The following PWWP3A variants were observed in gnomAD, a reference collection of about 807,000 sequenced individuals.
PWWP3A encodes the protein PWWP domain-containing DNA repair factor 3A.
PWWP3A carries 53 observed loss-of-function variants against 79.0 expected under a neutral mutation model. The observed-to-expected ratio is 0.67, with a 90% CI of 0.54 to 0.84. The LOEUF is 0.84. Ranked by LOEUF, PWWP3A falls within the 40% of genes least tolerant of loss-of-function variation. The probability of loss-of-function intolerance (pLI) is 0.00; values close to 1 mark genes in which losing one functional copy is unlikely to be tolerated. For synonymous variants in PWWP3A, 443 were observed against 394.4 expected (o/e 1.12, Z -1.46); for missense variants, 973 against 948.0 (o/e 1.03, Z -0.35).
Position 1,360,356 on chromosome 19 carries a change from C to T in PWWP3A, c.435C>T (p.Gly145=), listed in dbSNP as rs1159690561. The T allele has an allele frequency of 5.0e-6, 8 of 1,614,108 alleles. No homozygotes were observed. The highest frequency in any genetic ancestry group is 6.8e-6 in the Non-Finnish European group (8 of 1,180,038). Residue 145 remains glycine, a synonymous_variant, in exon 5 of 14, where the codon GGC becomes GGT. Transcript: ENST00000591337. The surrounding 1 kb of genome is among the most constrained non-coding windows in gnomAD (Gnocchi z 4.4). The part of the protein sequence containing the change: ...SSSLPRGDVL[G]SSRPHRRRPC... ...CTCTTCCCCGCGGAGACGTGTTGGG[C>T]AGTTCCAGACCTCACAGGAGGAGGC... is the stretch of plus-strand genomic sequence containing the variant.
intron 12 of PWWP3A, among the ~76,000 whole-genome samples, chr19:1,371,726 A>C (rs148350524): frequency 2.6e-4 from 39 of 152,268 alleles, no homozygotes; most frequent in African/African-American, 9.1e-4. Context: ...AAATAGACCC[A>C]AAAAGAAAAT....
intron 13 of PWWP3A, among the ~76,000 whole-genome samples, chr19:1,375,073 A>C (rs62127618): frequency 6.7e-6 from 1 of 150,000 alleles, no homozygotes; most frequent in Admixed American, 6.7e-5. Context: ...AAAAAAAAAA[A>C]CCAAGCATGG....
intron 12 of PWWP3A, 90 bp downstream of exon 12, chr19:1,371,168 C>A: frequency 7.0e-7 from 1 of 1,430,026 alleles, no homozygotes; most frequent in Non-Finnish European, 9.6e-7. Flanking sequence ...ACGGTCCTCG[C>A]CCCTGCTCCC....
Position 1,360,766 on chromosome 19 carries a change from C to T in PWWP3A, c.845C>T (p.Ala282Val), listed in dbSNP as rs763123387. The T allele has an allele frequency of 2.9e-5, 46 of 1,610,756 alleles. No individual in the cohort carries two copies. Among genetic ancestry groups the T allele is most frequent in the South Asian group, 2.2e-4 (20 of 90,842 alleles). Reference sequence around the variant, plus strand: ...GGTCTGCCGTTGGGCAGCCTCACTGCGCCCCCAGCCCCTGAGCCCTCGGCC... The same window carrying T: ...GGTCTGCCGTTGGGCAGCCTCACTGTGCCCCCAGCCCCTGAGCCCTCGGCC... ...DPGLPLGSLT[A>V]PPAPEPSACS... is the part of the protein sequence containing the mutation. The change falls in exon 5 of 14, where the codon GCG becomes GTG. Residue 282 changes from alanine (A) to valine (V), a missense_variant. Ala to Val is a moderately conservative substitution (Grantham distance 64). Transcript: ENST00000591337. This position sits in a 1 kb window ranked among gnomAD's most constrained non-coding sequence, Gnocchi z 4.4.
intron 3 of PWWP3A, chr19:1,358,189 G>GAAA: frequency 1.1e-4 from 44 of 398,920 alleles, no homozygotes; most frequent in South Asian, 2.6e-4. Context: ...GTCTTAAAAG[G>GAAA]AAAAAAAAAA....
intron 12 of PWWP3A, 187 bp from the exon 13 acceptor site, chr19:1,372,885 T>A: frequency 1.7e-6 from 1 of 585,078 alleles, no homozygotes; most frequent in Non-Finnish European, 3.0e-6. Context: ...ATAGTACTGA[T>A]TTAATTAAGA....
chr19:1,375,460 AT>A (rs2082346717), intron 13 of PWWP3A, among the ~76,000 whole-genome samples: 1 of 135,206 alleles, frequency 7.4e-6, no homozygotes, highest in African/African-American at 2.8e-5. Flanking sequence ...TATATAATGT[AT>A]ATTATATAAA....
Position 1,360,846 on chromosome 19 carries a change from CA to C in PWWP3A, c.928del (p.Arg310GlyfsTer28). 1 of 1,551,734 alleles carries C rather than the reference CA, an allele frequency of 6.4e-7. No homozygotes were observed. Among genetic ancestry groups the C allele is most frequent in the Non-Finnish European group, 8.7e-7 (1 of 1,149,996 alleles). On this transcript the variant is annotated frameshift_variant, in exon 5 of 14. Coordinates refer to ENST00000591337, the MANE Select transcript of PWWP3A (RefSeq NM_001369789.1). LOFTEE classifies it high-confidence loss of function. This position sits in a 1 kb window ranked among gnomAD's most constrained non-coding sequence, Gnocchi z 4.4. ...AAAGAGGCCGCGCCTGGATGGCAGC[CA>C]AAGGCCGCCTGCCGTGCAGCTGGAG... ...AKKRPRLDGS[Q>X]RPPAVQLEPM...
chr19:1,366,303 A>G lies in PWWP3A; in HGVS notation c.1285-2A>G. 6.2e-7 allele frequency: 1 copy of G among 1,613,830 alleles called. No individual in the cohort carries two copies. Among genetic ancestry groups the G allele is most frequent in the Non-Finnish European group, 8.5e-7 (1 of 1,179,766 alleles). ...GTTTTATTTTCTTGGATTTGTGAAC[A>G]GGTCAAAAGCGTCAGGCAGAGAGAT... On this transcript the variant is annotated splice_acceptor_variant, in intron 7 of 13. Transcript: ENST00000591337. LOFTEE classifies it high-confidence loss of function.
At position 1,360,410 on chromosome 19, in the gene PWWP3A, G is replaced by A. The variant is rs764716120; in HGVS notation, c.489G>A (p.Ser163=). The A allele has an allele frequency of 2.7e-5, 44 of 1,614,012 alleles. No homozygotes were observed. The East Asian group carries it at 7.6e-4, about 28-fold the overall frequency. ...RPCVQQSLSS[S]FTCEKDPECK... ...GTGTGCAACAAAGCCTGTCAAGTTC[G>A]TTCACTTGTGAAAAGGACCCCGAGT... The change falls in exon 5 of 14, where the codon TCG becomes TCA. Residue 163 remains serine (S), a synonymous_variant. Transcript: ENST00000591337. The surrounding 1 kb of genome is among the most constrained non-coding windows in gnomAD (Gnocchi z 4.4).
chr19:1,370,630 C>A lies in PWWP3A; in HGVS notation c.1550-12C>A, dbSNP rs376646547. On this transcript the variant is annotated splice_polypyrimidine_tract_variant and intron_variant, in intron 11 of 13. Coordinates refer to ENST00000591337, the MANE Select transcript of PWWP3A (RefSeq NM_001369789.1). Reference sequence around the variant, plus strand: ...CCACGCGCTGGTCCCACGACAGGTGCTTCTTTTGCAGGCTATCCTGTCCGA... The same window carrying A: ...CCACGCGCTGGTCCCACGACAGGTGATTCTTTTGCAGGCTATCCTGTCCGA... 4.2e-6 allele frequency: 6 copies of A among 1,445,076 alleles called. No individual in the cohort carries two copies. Among genetic ancestry groups the A allele is most frequent in the Non-Finnish European group, 5.5e-6 (6 of 1,096,650 alleles). The allele number at this position is 1,445,076 out of a possible 1,614,324, so 89.5% of individuals were successfully genotyped here.
At chr19:1,362,474 A>G (rs981832602) in intron 6 of PWWP3A, 123 bp downstream of exon 6, 1 of 698,544 alleles carries the variant, frequency 1.4e-6, no homozygotes, top group Non-Finnish European at 2.4e-6. Flanking sequence ...TTTCTCTCCC[A>G]CTGAACCGAG....
chr19:1,360,068 A>C lies in PWWP3A; in HGVS notation c.215-68A>C, dbSNP rs1331718308. The C allele has an allele frequency of 6.9e-7, 1 of 1,456,584 alleles. No individual in the cohort carries two copies. The highest frequency in any genetic ancestry group is 2.4e-5 in the East Asian group (1 of 42,262). The allele number at this position is 1,456,584 out of a possible 1,614,324, so 90.2% of individuals were successfully genotyped here. ...CAGAATGAGACAAGCGAGCTTCTAA[A>C]GCGATGCCGTGACCGCAGTGCCTGT... On this transcript the variant is annotated intron_variant, in intron 4 of 13. Transcript: ENST00000591337. This position sits in a 1 kb window ranked among gnomAD's most constrained non-coding sequence, Gnocchi z 4.4.
At chr19:1,366,252 A>G in intron 7 of PWWP3A, 53 bp from the exon 8 acceptor site, 3 of 1,579,348 alleles carry the variant, frequency 1.9e-6, no homozygotes, top group Non-Finnish European at 2.6e-6. Flanking sequence ...AAAATATTTA[A>G]AATCCACGAT....
Position 1,368,951 on chromosome 19 carries a change from TGC to T in PWWP3A, c.1423-312_1423-311del, listed in dbSNP as rs2082189966. ...AGCCATCGGGTCCCCGGTGCCCACC[TGC>T]GTTCAGATCAGCCCAAGCCATCGGG... On this transcript the variant is annotated intron_variant, in intron 9 of 13. Coordinates refer to ENST00000591337, the MANE Select transcript of PWWP3A (RefSeq NM_001369789.1). The surrounding 1 kb of genome is among the most constrained non-coding windows in gnomAD (Gnocchi z 4.7). Among the ~76,000 whole-genome samples, 3 of 139,574 alleles carry T rather than the reference TGC, an allele frequency of 2.1e-5. No individual in the cohort carries two copies. Among genetic ancestry groups the T allele is most frequent in the East Asian group, 2.2e-4 (1 of 4,478 alleles). The allele number at this position is 139,574 out of a possible 152,430, so 91.6% of individuals were successfully genotyped here.
At chr19:1,366,484 CGGCAGGAGTCCAGGCCCG>C in intron 8 of PWWP3A, 103 bp downstream of exon 8, 1 of 1,062,100 alleles carries the variant, frequency 9.4e-7, no homozygotes, top group South Asian at 1.3e-5. Flanking sequence ...GGGGAGGCCC[CGGCAGGAGTCCAGGCCCG>C]GGCAGGGCTA....
intron 4 of PWWP3A, chr19:1,359,611 G>T (rs925364916): frequency 1.3e-5 from 2 of 152,118 alleles, no homozygotes; most frequent in African/African-American, 4.8e-5. Context: ...AGAGGCCCAC[G>T]ATGCTCTTTG....
intron 12 of PWWP3A, 137 bp downstream of exon 12, chr19:1,371,215 T>A: frequency 1.1e-6 from 1 of 941,456 alleles, no homozygotes; most frequent in Non-Finnish European, 1.7e-6. Context: ...GGAGGCCTCC[T>A]GTGTTTACAT....
intron 12 of PWWP3A, chr19:1,372,494 C>T (rs914410252): frequency 6.6e-6 from 1 of 151,764 alleles, no homozygotes; most frequent in African/African-American, 2.4e-5. Flanking sequence ...TGTGGTGGCT[C>T]GCATCGGTAA....
Sources: allele counts gnomAD v4.1 joint callset (sites outside exome capture counted in the v4.1 genomes callset), GRCh38; gene constraint gnomAD v4.1.1; non-coding constraint Gnocchi (gnomAD v3.1); transcripts MANE v1.5; gene names NCBI Gene and HGNC (gene_info 2026-07-23, HGNC 2026-07-21).